The following CAB39L variants were observed in gnomAD, a reference collection of about 807,000 sequenced individuals.
The protein encoded by CAB39L is calcium binding protein 39 like.
CAB39L carries 23 observed loss-of-function variants against 39.1 expected under a neutral mutation model. That is an observed-to-expected ratio of 0.59 (90% CI 0.42 to 0.83). The LOEUF (loss-of-function observed/expected upper bound fraction) is 0.83, where lower values mean the gene tolerates loss of function less well. Ranked by LOEUF, CAB39L falls within the 40% of genes least tolerant of loss-of-function variation. The pLI is 0.00. For synonymous variants in CAB39L, 126 were observed against 137.2 expected (o/e 0.92, Z 0.57); for missense variants, 366 against 391.9 (o/e 0.93, Z 0.56).
At chr13:49,402,303 G>C (rs1346082716) in intron 3 of CAB39L, among the ~76,000 whole-genome samples, 2 of 152,136 alleles carry the variant, frequency 1.3e-5, no homozygotes, top group African/African-American at 4.8e-5. Flanking sequence ...GTAAGGTTTG[G>C]GGATGAGGAA....
At chr13:49,426,145 C>A (rs1375143052) in intron 3 of CAB39L, among the ~76,000 whole-genome samples, 1 of 152,170 alleles carries the variant, frequency 6.6e-6, no homozygotes, top group Non-Finnish European at 1.5e-5. Context: ...TGAGATTCTG[C>A]TGAAATGGCT....
At chr13:49,369,696 T>A (rs1295459215) in intron 5 of CAB39L, among the ~76,000 whole-genome samples, 1 of 151,998 alleles carries the variant, frequency 6.6e-6, no homozygotes, top group Non-Finnish European at 1.5e-5. Flanking sequence ...CAAGTGATTC[T>A]CCTGCCTCAA....
chr13:49,428,883 T>C (rs990903214), intron 3 of CAB39L, among the ~76,000 whole-genome samples: 1 of 152,160 alleles, frequency 6.6e-6, no homozygotes, highest in Non-Finnish European at 1.5e-5. Context: ...ATAGCAAAGA[T>C]AAACAAGTCA....
At chr13:49,331,236 A>C (rs539767393) in intron 10 of CAB39L, among the ~76,000 whole-genome samples, 42 of 152,000 alleles carry the variant, frequency 2.8e-4, no homozygotes, top group Non-Finnish European at 5.0e-4. Flanking sequence ...GAGGCCGAGG[A>C]GGGCGGATCA....
intron 3 of CAB39L, among the ~76,000 whole-genome samples, chr13:49,405,134 T>G (rs1594065995): frequency 6.6e-6 from 1 of 151,540 alleles, no homozygotes; most frequent in East Asian, 1.9e-4. Context: ...CATCTAATAC[T>G]CAAACAATGA....
At chr13:49,340,520 T>C (rs1047616671) in intron 8 of CAB39L, among the ~76,000 whole-genome samples, 9 of 152,208 alleles carry the variant, frequency 5.9e-5, no homozygotes, top group African/African-American at 2.2e-4. Flanking sequence ...AAGCTGTGCA[T>C]GCTGACAATC....
At chr13:49,390,384 T>C (rs1566111588) in intron 3 of CAB39L, among the ~76,000 whole-genome samples, 1 of 152,298 alleles carries the variant, frequency 6.6e-6, no homozygotes, top group Non-Finnish European at 1.5e-5. Context: ...AGTCCTGGGA[T>C]AATAGGCGTG....
intron 1 of CAB39L, among the ~76,000 whole-genome samples, chr13:49,439,908 C>T (rs928918269): frequency 6.2e-4 from 59 of 94,954 alleles, no homozygotes; most frequent in African/African-American, 2.5e-3. Flanking sequence ...GTCTTTTGAC[C>T]ACTTTTTAAT....
chr13:49,338,176 A>T (rs1954900965), intron 9 of CAB39L, among the ~76,000 whole-genome samples: 1 of 152,132 alleles, frequency 6.6e-6, no homozygotes, highest in South Asian at 2.1e-4. Flanking sequence ...ACTATAAATC[A>T]TGCTGCTATA....
At chr13:49,351,846 C>A (rs1159085959) in intron 6 of CAB39L, among the ~76,000 whole-genome samples, 2 of 152,110 alleles carry the variant, frequency 1.3e-5, no homozygotes, top group East Asian at 3.9e-4. Context: ...ACTGAGAATT[C>A]ACGAATGATT....
rs746697078 is a variant in CAB39L, at chr13:49,434,110, C to A, written c.-132G>T. On this transcript the variant is annotated 5_prime_UTR_variant, in exon 2 of 11. It introduces an in-frame stop codon into an upstream open reading frame of the 5' UTR. Transcript: ENST00000409308. ...CGCTTCTCTCCTTTAGTGCATTGCT[C>A]TTGCATGAAGAATGAACAAACCACT... 1.1e-5 allele frequency: 5 copies of A among 456,014 alleles called. No homozygotes were observed. Among genetic ancestry groups the A allele is most frequent in the Non-Finnish European group, 2.2e-5 (5 of 226,808 alleles). The allele number at this position is 456,014 out of a possible 1,614,324, so 28.2% of individuals were successfully genotyped here.
intron 10 of CAB39L, among the ~76,000 whole-genome samples, chr13:49,321,280 G>C (rs1954331363): frequency 6.6e-6 from 1 of 152,124 alleles, no homozygotes; most frequent in Admixed American, 6.6e-5. Context: ...TCTGTACATA[G>C]TACTTTGTAA....
In CAB39L at chr13:49,328,245, A is replaced by G. The variant is rs142304460; in HGVS notation, c.834+3702T>C. ...GTATGACAGCTCCCACTGCTGTCCA[A>G]TCCTACAAAAATCTGATATGGTTGG... is the stretch of plus-strand genomic sequence containing the variant. On this transcript the variant is annotated intron_variant, in intron 10 of 10. Transcript: ENST00000409308. Among the ~76,000 whole-genome samples the G allele has an allele frequency of 3.9e-3, 593 of 152,340 alleles. 3 individuals are homozygous for G. Among genetic ancestry groups the G allele is most frequent in the Non-Finnish European group, 6.8e-3 (460 of 68,020 alleles).
intron 7 of CAB39L, among the ~76,000 whole-genome samples, chr13:49,345,756 G>A (rs1955133099): frequency 6.6e-6 from 1 of 152,042 alleles, no homozygotes; most frequent in Non-Finnish European, 1.5e-5. Flanking sequence ...AGACACTGTG[G>A]ATTGCTGCAC....
chr13:49,324,095 T>C (rs1954431482), intron 10 of CAB39L, among the ~76,000 whole-genome samples: 1 of 151,972 alleles, frequency 6.6e-6, no homozygotes, highest in Non-Finnish European at 1.5e-5. Context: ...GCAGATCACT[T>C]GAGGTCAGGA....
At chr13:49,346,640 G>A (rs9596084) in intron 7 of CAB39L, among the ~76,000 whole-genome samples, 28,993 of 152,094 alleles carry the variant, frequency 0.19, 3,032 homozygotes, top group Admixed American at 0.27. Flanking sequence ...AGGAGCCAGC[G>A]ACAGCTGCCG....
At chr13:49,329,575 ATATATATATATATATATATAT>A (rs2138384510) in intron 10 of CAB39L, among the ~76,000 whole-genome samples, 1 of 123,902 alleles carries the variant, frequency 8.1e-6, no homozygotes, top group African/African-American at 3.3e-5. Context: ...ATATATATAT[ATATATATATATATATATATAT>A]AATGATGTAA....
At chr13:49,436,247 G>A (rs1273694960) in intron 1 of CAB39L, among the ~76,000 whole-genome samples, 1 of 152,130 alleles carries the variant, frequency 6.6e-6, no homozygotes, top group Admixed American at 6.5e-5. Context: ...ACTTGGAACT[G>A]ACCATTCTGG....
intron 3 of CAB39L, chr13:49,400,998 G>C (rs1183741378): frequency 6.6e-6 from 1 of 152,076 alleles, no homozygotes; most frequent in East Asian, 1.9e-4. Context: ...AATTCATTAT[G>C]CACAAAGAAA....
Sources: gnomAD v4.1 joint callset for allele counts (sites outside exome capture counted in the v4.1 genomes callset) on GRCh38, gnomAD v4.1.1 for gene constraint, MANE v1.5 for transcripts, NCBI Gene and HGNC (gene_info 2026-07-23, HGNC 2026-07-21) for gene names.